FLVCR2: variants seen among roughly 807,000 people sequenced by gnomAD.
FLVCR2 encodes FLVCR choline and putative heme transporter 2, also known as choline/ethanolamine transporter FLVCR2.
In FLVCR2, 38 loss-of-function variants were observed where a neutral mutation model predicts 48.9. That is an observed-to-expected ratio of 0.78 (90% CI 0.60 to 1.02). FLVCR2 has a LOEUF of 1.02. Ranked by LOEUF, FLVCR2 falls within the 50% of genes least tolerant of loss-of-function variation. The pLI is 0.00. For missense variants in FLVCR2, 664 were observed against 663.3 expected (o/e 1.00, Z -0.01); for synonymous variants, 255 against 257.0 (o/e 0.99, Z 0.07).
chr14:75,594,490 A>G (rs1888967701), intron 1 of FLVCR2, among the ~76,000 whole-genome samples: 1 of 152,264 alleles, frequency 6.6e-6, no homozygotes, highest in Non-Finnish European at 1.5e-5. Context: ...CTATCACAGA[A>G]TACCACAGAC....
rs144063634 is a variant in FLVCR2 at position 75,641,007 on chromosome 14, A to G, written c.1288A>G (p.Thr430Ala). The change falls in exon 7 of 10, where the codon ACG (threonine) becomes GCG (alanine). Residue 430 changes from threonine to alanine, a missense_variant. Coordinates refer to ENST00000238667, the MANE Select transcript of FLVCR2 (RefSeq NM_017791.3). ...PLGFEFAVEL[T>A]YPESEGISSG... ...GGGATTTGAGTTTGCTGTGGAGCTCACGTACCCAGAATCAGAAGGCATCTC... is the reference window on the plus strand; with the variant it reads ...GGGATTTGAGTTTGCTGTGGAGCTCGCGTACCCAGAATCAGAAGGCATCTC... 26 of 1,614,040 alleles carry G rather than the reference A, an allele frequency of 1.6e-5. No individual in the cohort carries two copies. The highest frequency in any genetic ancestry group is 2.5e-6 in the Non-Finnish European group (3 of 1,179,996).
intron 2 of FLVCR2, among the ~76,000 whole-genome samples, chr14:75,623,244 A>T (rs1008244184): frequency 2.0e-5 from 3 of 152,168 alleles, no homozygotes; most frequent in Non-Finnish European, 4.4e-5. Flanking sequence ...AGCCTCCCAA[A>T]GTGCTGGGAT....
In FLVCR2 at chr14:75,640,965, A is replaced by T. The variant is rs758308348; in HGVS notation, c.1246A>T (p.Thr416Ser). 5.0e-6 allele frequency: 8 copies of T among 1,613,186 alleles called. No homozygotes were observed. The East Asian group carries it at 1.8e-4, about 36-fold the overall frequency. Residue 416 changes from threonine (T) to serine (S), a missense_variant, in exon 7 of 10, where the codon ACT (threonine) becomes TCT (serine). Physicochemically the swap from Thr to Ser is moderately conservative, Grantham distance 58. Coordinates refer to ENST00000238667, the MANE Select transcript of FLVCR2 (RefSeq NM_017791.3). Reference sequence around the variant, plus strand: ...TGGTCTGGTCTTCAGCTTCTTTATGACTGGCTATCTCCCACTGGGATTTGA... The same window carrying T: ...TGGTCTGGTCTTCAGCTTCTTTATGTCTGGCTATCTCCCACTGGGATTTGA... The part of the protein sequence containing the change: ...ITAGTMGFFM[T>S]GYLPLGFEFA...
At chr14:75,601,668 A>G (rs941415280) in intron 1 of FLVCR2, among the ~76,000 whole-genome samples, 5 of 152,228 alleles carry the variant, frequency 3.3e-5, no homozygotes, top group Admixed American at 6.5e-5. Context: ...TGATCCAGCA[A>G]TTCCACTTCT....
intron 1 of FLVCR2, among the ~76,000 whole-genome samples, chr14:75,610,550 T>C (rs989896725): frequency 6.6e-6 from 1 of 152,166 alleles, no homozygotes; most frequent in African/African-American, 2.4e-5. Context: ...ATCTCTGCTC[T>C]TCAGCTAACT....
rs57565699 is a variant in FLVCR2, at chr14:75,599,336, A to C, written c.669+19695A>C. 6.2e-3 allele frequency among the ~76,000 whole-genome samples: 864 copies of C among 139,268 alleles called. 7 individuals are homozygous for C. The highest frequency in any genetic ancestry group is 0.019 in the African/African-American group (712 of 37,388). 91.4% of individuals were successfully genotyped at this position (139,268 alleles called of 152,430 possible). ...CTGACAATGTACAACACCCCCCCCC[A>C]AAAAATTAAGAAACAATTCCATTTA... On this transcript the variant is annotated intron_variant, in intron 1 of 9. Transcript: ENST00000238667.
rs1888537534 is a variant in FLVCR2, at chr14:75,579,360, T to C, written c.388T>C (p.Tyr130His). The change falls in exon 1 of 10, where the codon TAC (tyrosine) becomes CAC (histidine). Residue 130 changes from tyrosine to histidine, a missense_variant. By Grantham distance (83) the Tyr-to-His change is moderately conservative. Coordinates refer to ENST00000238667, the MANE Select transcript of FLVCR2 (RefSeq NM_017791.3). The stretch of plus-strand genomic sequence containing the variant: ...TGCCATTGACTGGCTGTCCATGTGC[T>C]ACATGCTGACTTACATCCCTCTGCT... ...AFAIDWLSMC[Y>H]MLTYIPLLLP... The C allele has an allele frequency of 6.2e-7, 1 of 1,614,262 alleles. No individual in the cohort carries two copies.
chr14:75,605,082 A>G (rs1487380632), intron 1 of FLVCR2, among the ~76,000 whole-genome samples: 1 of 152,178 alleles, frequency 6.6e-6, no homozygotes, highest in Non-Finnish European at 1.5e-5. Context: ...AGGTGTTCAC[A>G]GCTATTTTCC....
intron 3 of FLVCR2, among the ~76,000 whole-genome samples, chr14:75,625,928 C>T (rs889364695): frequency 2.0e-5 from 3 of 152,000 alleles, no homozygotes; most frequent in African/African-American, 7.3e-5. Context: ...GGTCACACAA[C>T]TTTCAAGTGG....
chr14:75,619,838 GC>G (rs1889719014), intron 1 of FLVCR2, among the ~76,000 whole-genome samples: 1 of 152,200 alleles, frequency 6.6e-6, no homozygotes, highest in East Asian at 1.9e-4. Context: ...ACTCACTCAA[GC>G]TTGGTGTATA....
intron 3 of FLVCR2, chr14:75,631,944 G>T (rs1248985057): frequency 7.0e-6 from 3 of 429,950 alleles, no homozygotes; most frequent in Non-Finnish European, 9.4e-6. Flanking sequence ...TGTCTGGGTT[G>T]GTTGGCCCAC....
intron 1 of FLVCR2, among the ~76,000 whole-genome samples, chr14:75,618,132 A>C (rs755036639): frequency 6.6e-6 from 1 of 152,196 alleles, no homozygotes; most frequent in Non-Finnish European, 1.5e-5. Flanking sequence ...AAGTCACTGC[A>C]GGGTGTTAAG....
intron 1 of FLVCR2, among the ~76,000 whole-genome samples, chr14:75,606,473 AC>A (rs2140022511): frequency 6.6e-6 from 1 of 151,944 alleles, no homozygotes; most frequent in South Asian, 2.1e-4. Flanking sequence ...ATTTGAGCAC[AC>A]CCAGGATTCA....
intron 9 of FLVCR2, among the ~76,000 whole-genome samples, chr14:75,642,598 T>TA (rs976464042): frequency 2.6e-5 from 4 of 151,476 alleles, no homozygotes; most frequent in African/African-American, 4.8e-5. Flanking sequence ...CTTCAAAAAT[T>TA]AAAAAAAAAC....
Position 75,646,590 on chromosome 14 carries a change from A to G in FLVCR2, c.*118A>G. The G allele has an allele frequency of 3.9e-6, 3 of 760,254 alleles. No homozygotes were observed. The highest frequency in any genetic ancestry group is 7.1e-6 in the Non-Finnish European group (3 of 424,712). The allele number at this position is 760,254 out of a possible 1,614,324, so 47.1% of individuals were successfully genotyped here. On this transcript the variant is annotated 3_prime_UTR_variant, in exon 10 of 10. Transcript: ENST00000238667. ...GTTTTTGGAGGGAATCAGTGGGACT[A>G]TTTGTGGCATGGATGGCCTATTCCT...
intron 1 of FLVCR2, among the ~76,000 whole-genome samples, chr14:75,609,887 C>T (rs185296652): frequency 1.1e-4 from 16 of 149,002 alleles, no homozygotes; most frequent in African/African-American, 3.7e-4. Context: ...GGAGTGGCAC[C>T]TTTGAGTTGG....
At chr14:75,613,130 G>C (rs1430046878) in intron 1 of FLVCR2, among the ~76,000 whole-genome samples, 1 of 152,188 alleles carries the variant, frequency 6.6e-6, no homozygotes, top group Non-Finnish European at 1.5e-5. Context: ...ACATGGTCCT[G>C]GGAGATGGAG....
In FLVCR2 at chr14:75,646,531, T is replaced by C; in HGVS notation, c.*59T>C. ...ACCCCACCTTTTCCTTCAGCACAGC[T>C]CTCACCGCCAGCACAAAGGGCTTCG... On this transcript the variant is annotated 3_prime_UTR_variant, in exon 10 of 10. Coordinates refer to ENST00000238667, the MANE Select transcript of FLVCR2 (RefSeq NM_017791.3). 9 of 1,233,750 alleles carry C rather than the reference T, an allele frequency of 7.3e-6. No homozygotes were observed. Among genetic ancestry groups the C allele is most frequent in the East Asian group, 4.7e-5 (2 of 42,922 alleles). The allele number at this position is 1,233,750 out of a possible 1,614,324, so 76.4% of individuals were successfully genotyped here.
intron 1 of FLVCR2, among the ~76,000 whole-genome samples, chr14:75,588,785 C>T (rs1888813942): frequency 6.6e-6 from 1 of 152,202 alleles, no homozygotes; most frequent in Non-Finnish European, 1.5e-5. Context: ...GGCCCCCCAA[C>T]ACATGAACTT....
Sources: allele counts gnomAD v4.1 joint callset (sites outside exome capture counted in the v4.1 genomes callset), GRCh38; gene constraint gnomAD v4.1.1; transcripts MANE v1.5; gene names NCBI Gene and HGNC (gene_info 2026-07-23, HGNC 2026-07-21).